FIBCD1: variants seen among roughly 807,000 people sequenced by gnomAD.
FIBCD1 encodes the protein fibrinogen C domain containing 1.
FIBCD1 carries 47 observed loss-of-function variants against 45.1 expected under a neutral mutation model. The ratio of observed to expected loss-of-function variants is 1.04; its 90% CI spans 0.82 to 1.33. The LOEUF is 1.33. FIBCD1 is among the 40% of genes most tolerant of loss of function. The pLI, the probability that FIBCD1 is intolerant of heterozygous loss-of-function variation, is 0.00. For missense variants in FIBCD1, 653 were observed against 682.2 expected, an observed-to-expected ratio of 0.96 and a Z score of 0.48; for synonymous variants, 313 against 308.1, an observed-to-expected ratio of 1.02 and a Z score of -0.17.
intron 4 of FIBCD1, among the ~76,000 whole-genome samples, chr9:130,913,193 C>A (rs1300031180): frequency 2.6e-5 from 4 of 151,692 alleles, no homozygotes; most frequent in Non-Finnish European, 5.9e-5. Flanking sequence ...ACAGGATCCG[C>A]TGACAATCCG....
At chr9:130,933,992 A>C (rs1431679725) in intron 1 of FIBCD1, 2 of 152,404 alleles carry the variant, frequency 1.3e-5, no homozygotes, top group Non-Finnish European at 2.9e-5. Context: ...GCTGTTCTGC[A>C]TGACAAAAAC....
rs1832560073 is a variant in FIBCD1, at chr9:130,938,604, C to T, written c.4G>A (p.Val2Ile). Residue 2 changes from valine (V) to isoleucine (I), a missense_variant, in exon 1 of 7, where the codon GTC becomes ATC. Physicochemically the swap from Val to Ile is conservative, Grantham distance 29. Transcript: ENST00000372338. The part of the protein sequence containing the change: M[V>I]NDRWKTMGGA... Reference sequence around the variant, plus strand: ...CCCATGGTCTTCCACCGGTCGTTGACCATCTTCCGGCAGGACTGGCGGGGG... The same window carrying T: ...CCCATGGTCTTCCACCGGTCGTTGATCATCTTCCGGCAGGACTGGCGGGGG... 6.8e-7 allele frequency: 1 copy of T among 1,462,168 alleles called. No homozygotes were observed. The highest frequency in any genetic ancestry group is 9.0e-7 in the Non-Finnish European group (1 of 1,108,550). 90.6% of individuals were successfully genotyped at this position (1,462,168 alleles called of 1,614,324 possible).
Position 130,926,131 on chromosome 9 carries a change from C to G in FIBCD1, c.553-1735G>C, listed in dbSNP as rs1298852902. On this transcript the variant is annotated intron_variant, in intron 2 of 6. Transcript: ENST00000372338. This position sits in a 1 kb window ranked among gnomAD's most constrained non-coding sequence, Gnocchi z 4.1. Reference sequence around the variant, plus strand: ...CACAGGCAGCACACCCCAACCGGGGCAGGAGGGAAGACGGTAGGTGGGGGC... The same window carrying G: ...CACAGGCAGCACACCCCAACCGGGGGAGGAGGGAAGACGGTAGGTGGGGGC... Among the ~76,000 whole-genome samples, 1 of 152,156 alleles carries G rather than the reference C, an allele frequency of 6.6e-6. No homozygotes were observed. The highest frequency in any genetic ancestry group is 2.4e-5 in the African/African-American group (1 of 41,440).
At chr9:130,920,520 A>G (rs1832244181) in intron 4 of FIBCD1, among the ~76,000 whole-genome samples, 2 of 152,286 alleles carry the variant, frequency 1.3e-5, no homozygotes, top group South Asian at 4.1e-4. Flanking sequence ...TCTGGCAAGC[A>G]TTTAGAGAGT....
chr9:130,935,185 T>C (rs1348212762), intron 1 of FIBCD1, among the ~76,000 whole-genome samples: 1 of 152,154 alleles, frequency 6.6e-6, no homozygotes, highest in Non-Finnish European at 1.5e-5. Context: ...CTTTCTGAAA[T>C]GTTCTTAGAA....
chr9:130,921,060 G>A (rs991853975), intron 4 of FIBCD1, among the ~76,000 whole-genome samples: 3 of 152,228 alleles, frequency 2.0e-5, no homozygotes, highest in Non-Finnish European at 4.4e-5. Context: ...CTGGCGTGAT[G>A]CCGGGGGTGG....
Position 130,910,279 on chromosome 9 carries a change from G to A in FIBCD1, c.946+1513C>T, listed in dbSNP as rs935644580. On this transcript the variant is annotated intron_variant, in intron 5 of 6. Coordinates refer to ENST00000372338, the MANE Select transcript of FIBCD1 (RefSeq NM_032843.5). The stretch of plus-strand genomic sequence containing the variant: ...CTTAGCACCTGGGCCAGCGGCTGTG[G>A]AGGGTGTACTGGGTCCCCCAGCAGT... 2.8e-4 allele frequency among the ~76,000 whole-genome samples: 43 copies of A among 152,352 alleles called. 1 individual carries two copies. The highest frequency in any genetic ancestry group is 3.4e-3 in the Middle Eastern group (1 of 294).
chr9:130,922,758 G>C lies in FIBCD1; in HGVS notation c.849+986C>G, dbSNP rs535636629. The stretch of plus-strand genomic sequence containing the variant: ...ACTGTGTGTCCCAACCCTGCAGCCT[G>C]GGGCTGGAACACTCCAGCCTCATCT... On this transcript the variant is annotated intron_variant, in intron 4 of 6. Coordinates refer to ENST00000372338, the MANE Select transcript of FIBCD1 (RefSeq NM_032843.5). The surrounding 1 kb of genome is among the most constrained non-coding windows in gnomAD (Gnocchi z 4.5). Among the ~76,000 whole-genome samples the C allele has an allele frequency of 1.3e-5, 2 of 152,176 alleles. No individual in the cohort carries two copies. Among genetic ancestry groups the C allele is most frequent in the East Asian group, 3.9e-4 (2 of 5,182 alleles).
At position 130,909,629 on chromosome 9, in the gene FIBCD1, C is replaced by G. The variant is rs539743076; in HGVS notation, c.946+2163G>C. Reference sequence around the variant, plus strand: ...AAATCCACCTCATTTCAAGCCATAGCCACTTCCCAAATATATATAGGTAGA... The same window carrying G: ...AAATCCACCTCATTTCAAGCCATAGGCACTTCCCAAATATATATAGGTAGA... On this transcript the variant is annotated intron_variant, in intron 5 of 6. Transcript: ENST00000372338. Among the ~76,000 whole-genome samples the G allele has an allele frequency of 2.0e-3, 312 of 152,260 alleles. 3 individuals are homozygous for G. The highest frequency in any genetic ancestry group is 7.1e-3 in the African/African-American group (294 of 41,546).
In FIBCD1 at chr9:130,926,993, G is replaced by T. The variant is rs992684356; in HGVS notation, c.552+2574C>A. On this transcript the variant is annotated intron_variant, in intron 2 of 6. Transcript: ENST00000372338. This position sits in a 1 kb window ranked among gnomAD's most constrained non-coding sequence, Gnocchi z 4.1. ...CGGCCCAACACAGTAATCTTAGCAC[G>T]TGGGGAGGCCGAGGTGGGTGGATTG... is the stretch of plus-strand genomic sequence containing the variant. Among the ~76,000 whole-genome samples the T allele has an allele frequency of 2.6e-5, 4 of 151,798 alleles. No homozygotes were observed. Among genetic ancestry groups the T allele is most frequent in the Non-Finnish European group, 5.9e-5 (4 of 67,952 alleles).
At chr9:130,931,564 T>TA (rs1327930768) in intron 1 of FIBCD1, among the ~76,000 whole-genome samples, 1 of 151,972 alleles carries the variant, frequency 6.6e-6, no homozygotes, top group African/African-American at 2.4e-5. Flanking sequence ...GCAGGCGCGA[T>TA]AAAAAACTGT....
intron 5 of FIBCD1, among the ~76,000 whole-genome samples, chr9:130,911,233 A>G (rs957296259): frequency 6.6e-6 from 1 of 152,112 alleles, no homozygotes; most frequent in Non-Finnish European, 1.5e-5. Context: ...AACTCCGAAC[A>G]TATCCGAACA....
upstream of FIBCD1, among the ~76,000 whole-genome samples, chr9:130,939,557 C>T (rs1832582556): frequency 6.6e-6 from 1 of 151,970 alleles, no homozygotes; most frequent in Non-Finnish European, 1.5e-5. Context: ...CACACGACGC[C>T]CCCTTGCCCG....
chr9:130,912,712 AAAAAG>A (rs1336389311), intron 4 of FIBCD1, among the ~76,000 whole-genome samples: 1 of 152,018 alleles, frequency 6.6e-6, no homozygotes. Flanking sequence ...CTGAAAAAAA[AAAAAG>A]GGAATCTCGG....
intron 1 of FIBCD1, chr9:130,930,783 C>T (rs1832437427): frequency 2.2e-6 from 1 of 456,092 alleles, no homozygotes; most frequent in African/African-American, 2.0e-5. Flanking sequence ...CTCTCTGAGC[C>T]TCAGTTTCCT....
In FIBCD1 at chr9:130,926,042, G is replaced by A. The variant is rs1029266783; in HGVS notation, c.553-1646C>T. On this transcript the variant is annotated intron_variant, in intron 2 of 6. Transcript: ENST00000372338. This position sits in a 1 kb window ranked among gnomAD's most constrained non-coding sequence, Gnocchi z 4.1. ...AGAGAGGAGCAGAGATGGGCAGGCA[G>A]GGCGTTTGGGTTTCACGGCAGCATC... Among the ~76,000 whole-genome samples, 5 of 152,186 alleles carry A rather than the reference G, an allele frequency of 3.3e-5. No homozygotes were observed. Among genetic ancestry groups the A allele is most frequent in the Admixed American group, 3.3e-4 (5 of 15,276 alleles).
chr9:130,912,819 CTTAATCTT>C (rs1218617579), intron 4 of FIBCD1, among the ~76,000 whole-genome samples: 1 of 37,500 alleles, frequency 2.7e-5, no homozygotes, highest in African/African-American at 4.6e-4. Context: ...GGGGCAGAGT[CTTAATCTT>C]TTTCCAGGTC....
At chr9:130,916,463 C>T (rs1832162833) in intron 4 of FIBCD1, among the ~76,000 whole-genome samples, 1 of 152,212 alleles carries the variant, frequency 6.6e-6, no homozygotes, top group Non-Finnish European at 1.5e-5. Flanking sequence ...GCCCCGACCT[C>T]GAGCCAATGA....
At chr9:130,938,173 G>C (rs1349286874) in intron 1 of FIBCD1, 1 of 212,322 alleles carries the variant, frequency 4.7e-6, no homozygotes, top group Non-Finnish European at 9.4e-6. Context: ...GATGCCCATT[G>C]TAGAGGTGAG....
Sources: allele counts gnomAD v4.1 joint callset (sites outside exome capture counted in the v4.1 genomes callset), GRCh38; gene constraint gnomAD v4.1.1; non-coding constraint Gnocchi (gnomAD v3.1); transcripts MANE v1.5; gene names NCBI Gene and HGNC (gene_info 2026-07-23, HGNC 2026-07-21).